Variants in KRABD1 observed in about 807,000 individuals in gnomAD.
The protein encoded by KRABD1 is KRAB domain-containing protein 1.
the KRABD1 span, among the ~76,000 whole-genome samples, chr3:42,939,508 A>C: frequency 7.9e-5 from 12 of 152,250 alleles, no homozygotes; most frequent in Admixed American, 2.0e-4. Context: ...GGCTACCATG[A>C]ATAAGAATGC....
At chr3:42,939,012 C>A in the KRABD1 span, 2 of 991,932 alleles carry the variant, frequency 2.0e-6, no homozygotes, top group Non-Finnish European at 1.5e-6. Flanking sequence ...ATAAAAATAT[C>A]TATATTACAC....
At chr3:42,939,301 C>G in the KRABD1 span, among the ~76,000 whole-genome samples, 1 of 152,162 alleles carries the variant, frequency 6.6e-6, no homozygotes, top group Non-Finnish European at 1.5e-5. Context: ...TCTTGAACTT[C>G]GTATAAGTGG....
chr3:42,939,151 T>A, the KRABD1 span, among the ~76,000 whole-genome samples: 1 of 152,150 alleles, frequency 6.6e-6, no homozygotes, highest in Admixed American at 6.5e-5. Flanking sequence ...TGTACACTTG[T>A]ATGACCTCAC....
chr3:42,941,985 T>G, the KRABD1 span: 37 of 1,535,784 alleles, frequency 2.4e-5, 1 homozygote, highest in Non-Finnish European at 8.7e-7. Context: ...CCAGCTTTGG[T>G]CTCTCATCTG....
At chr3:42,940,306 A>T in the KRABD1 span, among the ~76,000 whole-genome samples, 2 of 152,160 alleles carry the variant, frequency 1.3e-5, no homozygotes, top group Non-Finnish European at 2.9e-5. Context: ...CTGTTTTTAA[A>T]ATCCCTATTC....
the KRABD1 span, chr3:42,938,101 C>G: frequency 6.6e-6 from 1 of 152,100 alleles, no homozygotes; most frequent in Non-Finnish European, 1.5e-5. Flanking sequence ...TTAAATGACC[C>G]AGAATGAGAG....
the KRABD1 span, chr3:42,941,181 C>T: frequency 6.6e-7 from 1 of 1,524,236 alleles, no homozygotes; most frequent in South Asian, 1.2e-5. Flanking sequence ...ATTTGACCAT[C>T]ACCAAAGTAC....
At chr3:42,941,402 CTCTTTTATAA>C in the KRABD1 span, 1 of 1,506,618 alleles carries the variant, frequency 6.6e-7, no homozygotes. Flanking sequence ...GGTTGAAGGG[CTCTTTTATAA>C]TTATTAGCTG....
At chr3:42,941,116 C>T in the KRABD1 span, 8 of 1,034,146 alleles carry the variant, frequency 7.7e-6, no homozygotes, top group Non-Finnish European at 1.1e-5. Flanking sequence ...CGTGAAGGAC[C>T]CAATACTGAA....
the KRABD1 span, chr3:42,937,021 T>C: frequency 6.6e-6 from 1 of 152,214 alleles, no homozygotes; most frequent in Non-Finnish European, 1.5e-5. Context: ...CTCATAAGAA[T>C]GTTAAATCTA....
At chr3:42,941,283 A>G in the KRABD1 span, 15 of 1,595,506 alleles carry the variant, frequency 9.4e-6, no homozygotes, top group African/African-American at 5.4e-5. Context: ...ATGGGCCATC[A>G]TGGTGCCTGC....
the KRABD1 span, chr3:42,936,430 G>A: frequency 1.3e-5 from 2 of 152,248 alleles, no homozygotes; most frequent in East Asian, 3.9e-4. Context: ...TTGCTGAAAA[G>A]CTGCAGAGGC....
chr3:42,936,703 G>C, the KRABD1 span: 10 of 152,282 alleles, frequency 6.6e-5, no homozygotes, highest in African/African-American at 2.4e-4. Flanking sequence ...CCCACAAAAA[G>C]TTTTAACTGT....
At chr3:42,937,683 A>AT in the KRABD1 span, 1 of 152,138 alleles carries the variant, frequency 6.6e-6, no homozygotes, top group Non-Finnish European at 1.5e-5. Context: ...TACACTCATA[A>AT]ATATTTCTCC....
chr3:42,941,415 A>C, the KRABD1 span: 2 of 1,465,960 alleles, frequency 1.4e-6, no homozygotes, highest in African/African-American at 2.8e-5. Flanking sequence ...TTTTATAATT[A>C]TTAGCTGACC....
the KRABD1 span, chr3:42,941,096 T>C: frequency 1.4e-6 from 1 of 730,424 alleles, no homozygotes; most frequent in Non-Finnish European, 2.0e-6. Flanking sequence ...ACACAAAAAC[T>C]CTGTAGGCAC....
At chr3:42,941,228 A>G in the KRABD1 span, 1 of 1,556,372 alleles carries the variant, frequency 6.4e-7, no homozygotes, top group Non-Finnish European at 8.6e-7. Context: ...CGTTTCAGGA[A>G]TCAGTGGCTT....
chr3:42,938,107 G>A, the KRABD1 span: 39 of 152,180 alleles, frequency 2.6e-4, no homozygotes, highest in African/African-American at 9.4e-4. Context: ...GACCCAGAAT[G>A]AGAGTTGGAA....
chr3:42,940,946 T>C, the KRABD1 span, among the ~76,000 whole-genome samples: 637 of 152,338 alleles, frequency 4.2e-3, 3 homozygotes, highest in Middle Eastern at 0.017. Flanking sequence ...GCCCAGCTTC[T>C]ATGCAGCAGC....
Sources: gnomAD v4.1 joint callset for allele counts (sites outside exome capture counted in the v4.1 genomes callset) on GRCh38, gnomAD v4.1.1 for gene constraint, MANE v1.5 for transcripts, NCBI Gene and HGNC (gene_info 2026-07-23, HGNC 2026-07-21) for gene names.